GABBR2: variants seen among roughly 807,000 people sequenced by gnomAD.
The protein encoded by GABBR2 is gamma-aminobutyric acid type B receptor subunit 2, also known as G-protein coupled receptor 51.
GABBR2 carries 23 observed loss-of-function variants against 105.6 expected under a neutral mutation model. That is an observed-to-expected ratio of 0.22 (90% CI 0.16 to 0.31). The LOEUF is 0.31. GABBR2 is among the 10% of genes least tolerant of loss of function. The pLI, the probability that GABBR2 is intolerant of heterozygous loss-of-function variation, is 1.00. For missense variants in GABBR2, 734 were observed against 1,245.5 expected (o/e 0.59, Z 6.18); for synonymous variants, 478 against 499.7 (o/e 0.96, Z 0.58).
At chr9:98,399,687 C>T (rs1388641044) in intron 8 of GABBR2, among the ~76,000 whole-genome samples, 1 of 151,760 alleles carries the variant, frequency 6.6e-6, no homozygotes, top group African/African-American at 2.4e-5. Context: ...AACCTTAGGA[C>T]AAAAACCAAA....
At chr9:98,628,880 G>T (rs1244322799) in intron 1 of GABBR2, among the ~76,000 whole-genome samples, 1 of 152,214 alleles carries the variant, frequency 6.6e-6, no homozygotes, top group Non-Finnish European at 1.5e-5. Context: ...GCACGCGCGT[G>T]CACCTACCCC....
intron 3 of GABBR2, among the ~76,000 whole-genome samples, chr9:98,526,125 T>G (rs1827955705): frequency 6.6e-6 from 1 of 152,190 alleles, no homozygotes; most frequent in African/African-American, 2.4e-5. Context: ...ATTGTATGCT[T>G]TAAAATGGTG....
intron 13 of GABBR2, among the ~76,000 whole-genome samples, chr9:98,348,356 T>G (rs1244122588): frequency 5.9e-5 from 9 of 152,216 alleles, no homozygotes; most frequent in Non-Finnish European, 1.3e-4. Flanking sequence ...TATTTTGCAG[T>G]CAAGTAGTTG....
chr9:98,631,649 A>G lies in GABBR2; in HGVS notation c.322-53577T>C, dbSNP rs10987164. ...CTCAATTAGTTAGAATGTAATTTCA[A>G]TTTTAAAGTAATCGAGTCCTCTAAC... On this transcript the variant is annotated intron_variant, in intron 1 of 18. Coordinates refer to ENST00000259455, the MANE Select transcript of GABBR2 (RefSeq NM_005458.8). 5.3e-5 allele frequency among the ~76,000 whole-genome samples: 8 copies of G among 152,352 alleles called. No individual in the cohort carries two copies. The East Asian group carries it at 1.5e-3, about 29-fold the overall frequency.
intron 4 of GABBR2, among the ~76,000 whole-genome samples, chr9:98,495,124 A>T (rs1827252459): frequency 6.6e-6 from 1 of 152,246 alleles, no homozygotes; most frequent in African/African-American, 2.4e-5. Flanking sequence ...GCTGTCAAGC[A>T]GGCCCTTCCC....
chr9:98,594,823 C>T (rs981271287), intron 1 of GABBR2, among the ~76,000 whole-genome samples: 4 of 152,202 alleles, frequency 2.6e-5, no homozygotes, highest in Admixed American at 6.5e-5. Flanking sequence ...CCATGGCACT[C>T]GAGGGAGCTG....
intron 1 of GABBR2, among the ~76,000 whole-genome samples, chr9:98,668,866 A>G (rs888354719): frequency 4.0e-5 from 6 of 151,094 alleles, no homozygotes; most frequent in Non-Finnish European, 5.9e-5. Flanking sequence ...CTCTTTCAGG[A>G]TAAATTATAT....
intron 1 of GABBR2, among the ~76,000 whole-genome samples, chr9:98,705,674 C>T (rs954325544): frequency 6.6e-6 from 1 of 152,264 alleles, no homozygotes; most frequent in East Asian, 1.9e-4. Flanking sequence ...TTAGATCGCT[C>T]TAGATTTTGC....
chr9:98,359,903 C>T (rs888490138), intron 13 of GABBR2, among the ~76,000 whole-genome samples: 2 of 152,162 alleles, frequency 1.3e-5, no homozygotes, highest in Non-Finnish European at 2.9e-5. Flanking sequence ...AGCAGGTTCT[C>T]GACTCCAGCG....
intron 16 of GABBR2, 69 bp downstream of exon 16, chr9:98,303,172 G>T: frequency 7.7e-7 from 1 of 1,292,658 alleles, no homozygotes; most frequent in Non-Finnish European, 1.1e-6. Context: ...GAGCCTGAGA[G>T]TCCCCGCACA....
chr9:98,529,125 C>T (rs941462078), intron 3 of GABBR2, among the ~76,000 whole-genome samples: 4 of 151,472 alleles, frequency 2.6e-5, no homozygotes, highest in East Asian at 1.9e-4. Flanking sequence ...GTCCCATCCC[C>T]GAATCCTTGA....
chr9:98,573,851 A>T (rs181240010), intron 2 of GABBR2, among the ~76,000 whole-genome samples: 7 of 152,226 alleles, frequency 4.6e-5, no homozygotes, highest in Non-Finnish European at 1.0e-4. Flanking sequence ...TGTGTACTAC[A>T]TCTATATCTA....
At chr9:98,479,636 C>A (rs1826870188) in intron 5 of GABBR2, among the ~76,000 whole-genome samples, 2 of 152,244 alleles carry the variant, frequency 1.3e-5, no homozygotes, top group South Asian at 4.1e-4. Context: ...ATCCTCGCTG[C>A]TTGTCTCTTT....
chr9:98,551,298 G>A (rs1340260601), intron 2 of GABBR2, among the ~76,000 whole-genome samples: 2 of 152,154 alleles, frequency 1.3e-5, no homozygotes, highest in Non-Finnish European at 2.9e-5. Flanking sequence ...AGCTACCCAG[G>A]AGGCTGAGGC....
At chr9:98,470,357 G>A (rs373961212) in intron 6 of GABBR2, among the ~76,000 whole-genome samples, 8 of 152,194 alleles carry the variant, frequency 5.3e-5, no homozygotes, top group African/African-American at 1.9e-4. Context: ...CATGGCAGAA[G>A]GTGAAAGGCA....
At chr9:98,416,373 T>C (rs1480469493) in intron 7 of GABBR2, among the ~76,000 whole-genome samples, 1 of 152,206 alleles carries the variant, frequency 6.6e-6, no homozygotes, top group East Asian at 1.9e-4. Context: ...GAGAAGGGGC[T>C]TGTGCCAAAT....
At chr9:98,693,178 G>A (rs901543467) in intron 1 of GABBR2, among the ~76,000 whole-genome samples, 72 of 152,186 alleles carry the variant, frequency 4.7e-4, no homozygotes, top group African/African-American at 1.7e-3. Context: ...CTCATCAGAA[G>A]CCTGAGGTCT....
At chr9:98,446,704 C>T (rs1025128461) in intron 7 of GABBR2, among the ~76,000 whole-genome samples, 29 of 152,136 alleles carry the variant, frequency 1.9e-4, no homozygotes, top group Middle Eastern at 6.8e-3. Context: ...CTGTTGCTCC[C>T]GGGCAGCAGA....
At chr9:98,510,783 G>T (rs1231978336) in intron 3 of GABBR2, among the ~76,000 whole-genome samples, 4 of 151,172 alleles carry the variant, frequency 2.6e-5, no homozygotes, top group Admixed American at 1.3e-4. Context: ...AGTCCTGAGT[G>T]ACCTACAAAG....
Sources: gnomAD v4.1 joint callset for allele counts (sites outside exome capture counted in the v4.1 genomes callset) on GRCh38, gnomAD v4.1.1 for gene constraint, MANE v1.5 for transcripts, NCBI Gene and HGNC (gene_info 2026-07-23, HGNC 2026-07-21) for gene names.